Variants in BRSK2 observed in about 807,000 individuals in gnomAD.
The protein encoded by BRSK2 is BR serine/threonine kinase 2, also known as serine/threonine-protein kinase BRSK2.
In BRSK2, 19 loss-of-function variants were observed where a neutral mutation model predicts 83.3. The observed-to-expected ratio is 0.23, with a 90% CI of 0.16 to 0.33. The LOEUF (loss-of-function observed/expected upper bound fraction) is 0.33. BRSK2 is among the 10% of genes least tolerant of loss of function. The pLI is 1.00. For synonymous variants in BRSK2, 519 were observed against 435.4 expected (o/e 1.19, Z -2.39); for missense variants, 798 against 1,042.3 (o/e 0.77, Z 3.23).
At position 1,438,205 on chromosome 11, in the gene BRSK2, G is replaced by T; in HGVS notation, c.187-101G>T. The T allele has an allele frequency of 8.9e-7, 1 of 1,117,540 alleles. No homozygotes were observed. The highest frequency in any genetic ancestry group is 2.0e-5 in the Admixed American group (1 of 50,562). The allele number at this position is 1,117,540 out of a possible 1,614,324, so 69.2% of individuals were successfully genotyped here. On this transcript the variant is annotated intron_variant, in intron 2 of 19. Coordinates refer to ENST00000528841, the MANE Select transcript of BRSK2 (RefSeq NM_001256627.2). This position sits in a 1 kb window ranked among gnomAD's most constrained non-coding sequence, Gnocchi z 6.4. Reference sequence around the variant, plus strand: ...GCGACCCCCACAGCTGGCACCAAAGGCCCCTGCGACCCCCACAGCTGGCAC... The same window carrying T: ...GCGACCCCCACAGCTGGCACCAAAGTCCCCTGCGACCCCCACAGCTGGCAC...
chr11:1,440,774 C>T lies in BRSK2; in HGVS notation c.273-14C>T. 6.4e-7 allele frequency: 1 copy of T among 1,556,440 alleles called. No homozygotes were observed. The highest frequency in any genetic ancestry group is 8.7e-7 in the Non-Finnish European group (1 of 1,149,978). ...AGCCACAGCTGGGCGCACTGGTGGC[C>T]CCGTCTCCTGCAGGTACCTGGTGCT... On this transcript the variant is annotated splice_polypyrimidine_tract_variant and intron_variant, in intron 3 of 19. Coordinates refer to ENST00000528841, the MANE Select transcript of BRSK2 (RefSeq NM_001256627.2).
rs551689480 is a variant in BRSK2 at position 1,460,884 on chromosome 11, T to C, written c.*161T>C. On this transcript the variant is annotated 3_prime_UTR_variant, in exon 20 of 20. Transcript: ENST00000528841. ...GGGGCGTTGGGGCCGGCCTGTGGGC[T>C]GCGCCACCCGCGCCCGCTCTCTTTT... is the stretch of plus-strand genomic sequence containing the variant. 1 of 1,597,010 alleles carries C rather than the reference T, an allele frequency of 6.3e-7. No individual in the cohort carries two copies. The highest frequency in any genetic ancestry group is 1.3e-5 in the African/African-American group (1 of 74,732).
chr11:1,393,194 G>T (rs770379472), intron 1 of BRSK2, among the ~76,000 whole-genome samples: 25 of 152,206 alleles, frequency 1.6e-4, no homozygotes, highest in Non-Finnish European at 3.7e-4. Context: ...CCGAGTTGGA[G>T]CATGCAGGTC....
At position 1,454,728 on chromosome 11, in the gene BRSK2, C is replaced by A; in HGVS notation, c.1668+120C>A. On this transcript the variant is annotated intron_variant, in intron 16 of 19. Transcript: ENST00000528841. The surrounding 1 kb of genome is among the most constrained non-coding windows in gnomAD (Gnocchi z 5.2). ...TCCACGCGCACAGCACGGACGTCCG[C>A]TCACCCGTGGGCCTGCCTGGCCGCC... 1 of 1,332,328 alleles carries A rather than the reference C, an allele frequency of 7.5e-7. No homozygotes were observed. Among genetic ancestry groups the A allele is most frequent in the Non-Finnish European group, 1.0e-6 (1 of 979,226 alleles). 82.5% of individuals were successfully genotyped at this position (1,332,328 alleles called of 1,614,324 possible).
chr11:1,416,008 C>T (rs891970801), intron 1 of BRSK2, among the ~76,000 whole-genome samples: 5 of 152,258 alleles, frequency 3.3e-5, no homozygotes, highest in Non-Finnish European at 1.5e-5. Context: ...GAACTGGAAC[C>T]AGGCAAGCTG....
rs368418167 is a variant in BRSK2 at position 1,445,847 on chromosome 11, C to T, written c.1166C>T (p.Thr389Met). Reference protein sequence around the residue: ...ERKSMEVLSVTDGGSPVPARR... With the variant: ...ERKSMEVLSVMDGGSPVPARR... The stretch of plus-strand genomic sequence containing the variant: ...AAATCCATGGAGGTGCTCAGCGTGA[C>T]GGACGGCGGCTCCCCGGTGCCTGCG... Residue 389 changes from threonine to methionine, a missense_variant, in exon 12 of 20, where the codon ACG (threonine) becomes ATG (methionine). By Grantham distance (81) the Thr-to-Met change is moderately conservative. Coordinates refer to ENST00000528841, the MANE Select transcript of BRSK2 (RefSeq NM_001256627.2). 10 of 1,612,210 alleles carry T rather than the reference C, an allele frequency of 6.2e-6. No individual in the cohort carries two copies. The highest frequency in any genetic ancestry group is 2.2e-5 in the East Asian group (1 of 44,882).
intron 15 of BRSK2, chr11:1,453,831 T>C (rs964274791): frequency 6.6e-6 from 1 of 152,316 alleles, no homozygotes; most frequent in Non-Finnish European, 1.5e-5. Context: ...CAGCAGAGCG[T>C]GCCACCTCTG....
chr11:1,427,719 T>TA (rs1319904256), intron 1 of BRSK2, among the ~76,000 whole-genome samples: 1 of 152,212 alleles, frequency 6.6e-6, no homozygotes, highest in Non-Finnish European at 1.5e-5. Flanking sequence ...AGACAGCAAT[T>TA]AGAGATGGAC....
chr11:1,445,177 C>A, intron 9 of BRSK2, 117 bp from the exon 10 acceptor site: 2 of 1,487,376 alleles, frequency 1.3e-6, no homozygotes, highest in Admixed American at 1.9e-5. Flanking sequence ...CCTCCCCGGG[C>A]TGGGCACAGG....
In BRSK2 at chr11:1,456,607, G is replaced by A. The variant is rs1846579031; in HGVS notation, c.1859G>A (p.Arg620His). Residue 620 changes from arginine to histidine, a missense_variant, in exon 18 of 20, where the codon CGT becomes CAT. Arg to His is a conservative substitution (Grantham distance 29). This residue lies in a region of BRSK2 where 455 missense variants were observed against 455.2 expected (regional missense o/e 1.00). Coordinates refer to ENST00000528841, the MANE Select transcript of BRSK2 (RefSeq NM_001256627.2). ...VTFTLLSGPS[R>H]RFKRVVETIQ... is the part of the protein sequence containing the mutation. ...CCCCTGTCTCCCCTAGGCCCCAGCC[G>A]TCGCTTCAAGAGGGTGGTGGAGACC... 3.1e-6 allele frequency: 5 copies of A among 1,610,608 alleles called. No homozygotes were observed. Among genetic ancestry groups the A allele is most frequent in the African/African-American group, 1.3e-5 (1 of 74,926 alleles).
intron 12 of BRSK2, chr11:1,447,952 T>A: frequency 7.7e-7 from 1 of 1,300,278 alleles, no homozygotes; most frequent in Non-Finnish European, 1.1e-6. Flanking sequence ...GCGGGTCTGG[T>A]GGCGGGCTGG....
intron 1 of BRSK2, among the ~76,000 whole-genome samples, chr11:1,406,933 G>A (rs1350309181): frequency 1.3e-5 from 2 of 152,186 alleles, no homozygotes; most frequent in African/African-American, 4.8e-5. Context: ...GCGTCTGCAT[G>A]TGCAGGTGTG....
chr11:1,442,387 T>C (rs1851461898), intron 4 of BRSK2, 103 bp from the exon 5 acceptor site: 2 of 810,412 alleles, frequency 2.5e-6, no homozygotes, highest in South Asian at 1.4e-5. Context: ...TATGTGTGAT[T>C]GGCGTTTGGA....
intron 9 of BRSK2, 106 bp downstream of exon 9, chr11:1,445,108 C>A: frequency 3.9e-6 from 6 of 1,523,428 alleles, no homozygotes; most frequent in Non-Finnish European, 5.4e-6. Context: ...GCAGGTCCTG[C>A]CCTGCCTTGG....
chr11:1,414,992 T>C (rs1252127593), intron 1 of BRSK2, among the ~76,000 whole-genome samples: 1 of 152,142 alleles, frequency 6.6e-6, no homozygotes, highest in Non-Finnish European at 1.5e-5. Context: ...ACCTTGTGGC[T>C]CTCAGGAGTG....
chr11:1,458,963 G>A (rs1300160330), intron 18 of BRSK2, among the ~76,000 whole-genome samples: 1 of 152,134 alleles, frequency 6.6e-6, no homozygotes, highest in Non-Finnish European at 1.5e-5. Context: ...GCTCCGCCTT[G>A]TTCCCTGCCT....
intron 1 of BRSK2, among the ~76,000 whole-genome samples, chr11:1,428,670 C>T (rs535404187): frequency 6.6e-6 from 1 of 152,324 alleles, no homozygotes; most frequent in South Asian, 2.1e-4. Context: ...CAGGATTGTG[C>T]TCTCCACACC....
At position 1,461,110 on chromosome 11, in the gene BRSK2, C is replaced by A. The variant is rs775144661; in HGVS notation, c.*387C>A. On this transcript the variant is annotated 3_prime_UTR_variant, in exon 20 of 20. Coordinates refer to ENST00000528841, the MANE Select transcript of BRSK2 (RefSeq NM_001256627.2). ...CCAGCCCAGCGCCCCGTCCACCCCG[C>A]GGCAGCTCCTCGCCTCAGCTCCGCA... 4.6e-5 allele frequency: 67 copies of A among 1,443,408 alleles called. No homozygotes were observed. In the South Asian group the frequency reaches 5.5e-4, roughly 12 times the overall value. The allele number at this position is 1,443,408 out of a possible 1,614,324, so 89.4% of individuals were successfully genotyped here.
At chr11:1,408,570 C>G (rs951215906) in intron 1 of BRSK2, among the ~76,000 whole-genome samples, 3 of 152,204 alleles carry the variant, frequency 2.0e-5, no homozygotes, top group African/African-American at 7.2e-5. Context: ...CCTGGACCCT[C>G]AAGGACACCC....
Sources: gnomAD v4.1 joint callset for allele counts (sites outside exome capture counted in the v4.1 genomes callset) on GRCh38, gnomAD v4.1.1 for gene constraint, gnomAD v4.1.1 regional missense constraint, Gnocchi (gnomAD v3.1) non-coding constraint, MANE v1.5 for transcripts, NCBI Gene and HGNC (gene_info 2026-07-23, HGNC 2026-07-21) for gene names.